The following PTPRT variants were observed in gnomAD, a reference collection of about 807,000 sequenced individuals.
The protein encoded by PTPRT is protein tyrosine phosphatase receptor type T.
PTPRT carries 56 observed loss-of-function variants against 176.8 expected under a neutral mutation model. The observed-to-expected ratio is 0.32, with a 90% confidence interval of 0.26 to 0.40. The LOEUF is 0.40. PTPRT is among the 10% of genes least tolerant of loss of function. PTPRT has a pLI of 1.00. For synonymous variants in PTPRT, 783 were observed against 739.0 expected (o/e 1.06, Z -0.96); for missense variants, 1,540 against 1,908.2 (o/e 0.81, Z 3.60).
chr20:42,172,672 T>C (rs960763074), intron 16 of PTPRT, among the ~76,000 whole-genome samples: 2 of 152,176 alleles, frequency 1.3e-5, no homozygotes, highest in Non-Finnish European at 2.9e-5. Context: ...AACCAGAAAA[T>C]TGACATATAT....
chr20:42,253,413 G>C (rs921538066), intron 13 of PTPRT, among the ~76,000 whole-genome samples: 1 of 152,118 alleles, frequency 6.6e-6, no homozygotes, highest in African/African-American at 2.4e-5. Context: ...TAACACCTGC[G>C]TTACTTTTAC....
At chr20:42,266,485 G>C (rs926174585) in intron 13 of PTPRT, among the ~76,000 whole-genome samples, 2 of 152,148 alleles carry the variant, frequency 1.3e-5, no homozygotes, top group Non-Finnish European at 2.9e-5. Context: ...GCCTGGGGAA[G>C]ACTGAGTTCT....
intron 7 of PTPRT, among the ~76,000 whole-genome samples, chr20:42,560,655 A>G (rs1483605631): frequency 6.6e-6 from 1 of 152,172 alleles, no homozygotes. Context: ...CTGGGACCCC[A>G]AGGTAAGTGA....
chr20:42,727,002 A>G (rs2076390521), intron 6 of PTPRT, among the ~76,000 whole-genome samples: 1 of 152,194 alleles, frequency 6.6e-6, no homozygotes, highest in Non-Finnish European at 1.5e-5. Flanking sequence ...TGCCCCTCAC[A>G]AAAGGTTACC....
rs147647287 is a variant in PTPRT at position 42,704,396 on chromosome 20, T to C, written c.860-26237A>G. ...CCCAACTTGTTCAACTATGGGTGTG[T>C]TCCTAATGGTCTTTAGCTGGAAGGC... On this transcript the variant is annotated intron_variant, in intron 6 of 30. Coordinates refer to ENST00000373187, the MANE Select transcript of PTPRT (RefSeq NM_007050.6). Among the ~76,000 whole-genome samples the C allele has an allele frequency of 3.3e-5, 5 of 151,902 alleles. No individual in the cohort carries two copies. The East Asian group carries it at 9.7e-4, about 29-fold the overall frequency.
At chr20:42,710,966 A>T (rs2076135921) in intron 6 of PTPRT, among the ~76,000 whole-genome samples, 1 of 152,156 alleles carries the variant, frequency 6.6e-6, no homozygotes, top group East Asian at 1.9e-4. Context: ...TTTAAGATTT[A>T]ATGCCTGCCC....
chr20:42,852,625 T>C (rs771535404), intron 2 of PTPRT, among the ~76,000 whole-genome samples: 2 of 152,064 alleles, frequency 1.3e-5, no homozygotes, highest in Non-Finnish European at 2.9e-5. Context: ...TTTCCATCAG[T>C]TTGAGGATTT....
At chr20:42,492,722 A>C (rs1220179435) in intron 7 of PTPRT, among the ~76,000 whole-genome samples, 1 of 152,104 alleles carries the variant, frequency 6.6e-6, no homozygotes, top group African/African-American at 2.4e-5. Context: ...ATTAATTTCT[A>C]AGTTTATTGC....
chr20:43,128,924 T>C (rs1197943716), intron 1 of PTPRT, among the ~76,000 whole-genome samples: 1 of 152,210 alleles, frequency 6.6e-6, no homozygotes, highest in East Asian at 1.9e-4. Context: ...TTTAAAGTTA[T>C]ATTTATTCGT....
At chr20:42,805,301 T>G (rs1426775292) in intron 2 of PTPRT, among the ~76,000 whole-genome samples, 1 of 152,174 alleles carries the variant, frequency 6.6e-6, no homozygotes, top group African/African-American at 2.4e-5. Context: ...CTTGGGTTTG[T>G]GACTGTGGTT....
chr20:42,760,121 G>C lies in PTPRT; in HGVS notation c.685-3485C>G, dbSNP rs991614546. On this transcript the variant is annotated intron_variant, in intron 5 of 30. Coordinates refer to ENST00000373187, the MANE Select transcript of PTPRT (RefSeq NM_007050.6). ...CATTGGTCAGGGCTCACGAGGCAGA[G>C]AGAGGAGGAAACTTCTTACTTGACG... is the stretch of plus-strand genomic sequence containing the variant. 3.9e-5 allele frequency among the ~76,000 whole-genome samples: 6 copies of C among 152,318 alleles called. No homozygotes were observed. The South Asian group carries it at 1.2e-3, about 32-fold the overall frequency.
intron 1 of PTPRT, among the ~76,000 whole-genome samples, chr20:42,892,170 TGTACAGCA>T (rs1169405681): frequency 6.6e-6 from 1 of 152,232 alleles, no homozygotes; most frequent in Non-Finnish European, 1.5e-5. Flanking sequence ...AATGACATCA[TGTACAGCA>T]GTACTAATAG....
At chr20:42,341,397 T>C (rs2058109049) in intron 11 of PTPRT, among the ~76,000 whole-genome samples, 1 of 152,200 alleles carries the variant, frequency 6.6e-6, no homozygotes, top group East Asian at 1.9e-4. Context: ...CAAGAGCTTC[T>C]TGAAGCTCCT....
At chr20:42,063,271 C>G in the PTPRT span, among the ~76,000 whole-genome samples, 8 of 152,274 alleles carry the variant, frequency 5.3e-5, 2 homozygotes, top group Admixed American at 5.2e-4. Flanking sequence ...CCGAAGGCAC[C>G]CACAGTCTGT....
the PTPRT span, among the ~76,000 whole-genome samples, chr20:42,067,428 A>G: frequency 0.76 from 115,236 of 151,926 alleles, 44,005 homozygotes; most frequent in South Asian, 0.84. Context: ...GGGCGTAAGC[A>G]TTGCTGCAAG....
chr20:42,819,277 C>T (rs1274164283), intron 2 of PTPRT, among the ~76,000 whole-genome samples: 2 of 152,146 alleles, frequency 1.3e-5, no homozygotes, highest in Middle Eastern at 3.2e-3. Context: ...ATTTTCAACT[C>T]AGAATTTCAT....
chr20:42,175,545 G>A (rs1990256871), intron 16 of PTPRT, among the ~76,000 whole-genome samples: 1 of 152,186 alleles, frequency 6.6e-6, no homozygotes, highest in African/African-American at 2.4e-5. Context: ...GGGATGGCTG[G>A]GAATGGGCAT....
chr20:43,103,834 T>C (rs1218626369), intron 1 of PTPRT, among the ~76,000 whole-genome samples: 1 of 151,922 alleles, frequency 6.6e-6, no homozygotes, highest in Non-Finnish European at 1.5e-5. Flanking sequence ...AACACTGATA[T>C]AATGTGAAAA....
At chr20:42,989,840 G>A (rs1031027034) in intron 1 of PTPRT, among the ~76,000 whole-genome samples, 5 of 152,214 alleles carry the variant, frequency 3.3e-5, no homozygotes, top group African/African-American at 9.7e-5. Context: ...AAATCACTGA[G>A]AATGTGAAAG....
Sources: gnomAD v4.1 joint callset for allele counts (sites outside exome capture counted in the v4.1 genomes callset) on GRCh38, gnomAD v4.1.1 for gene constraint, MANE v1.5 for transcripts, NCBI Gene and HGNC (gene_info 2026-07-23, HGNC 2026-07-21) for gene names.